BAHCC1: variants seen among roughly 807,000 people sequenced by gnomAD.
BAHCC1 encodes BAH domain and coiled-coil containing 1, also known as BAH and coiled-coil domain-containing protein 1.
BAHCC1 carries 43 observed loss-of-function variants against 88.2 expected under a neutral mutation model. That is an observed-to-expected ratio of 0.49 (90% CI 0.38 to 0.63). The LOEUF is 0.63. BAHCC1 is among the 20% of genes least tolerant of loss of function. The pLI, the probability that BAHCC1 is intolerant of heterozygous loss-of-function variation, is 0.00. For missense variants in BAHCC1, 3,023 were observed against 1,654.8 expected (o/e 1.83, Z -14.34); for synonymous variants, 1,510 against 745.5 (o/e 2.03, Z -16.71).
At chr17:81,437,280 CG>C (rs1266748888) in intron 3 of BAHCC1, among the ~76,000 whole-genome samples, 1 of 152,266 alleles carries the variant, frequency 6.6e-6, no homozygotes, top group Non-Finnish European at 1.5e-5. Flanking sequence ...TCGGCCCTCA[CG>C]TTCAGGCAGC....
At position 81,463,874 on chromosome 17, in the gene BAHCC1, C is replaced by T. The variant is rs1449122581; in HGVS notation, c.*57C>T. On this transcript the variant is annotated 3_prime_UTR_variant, in exon 28 of 28. Coordinates refer to ENST00000675386, the MANE Select transcript of BAHCC1 (RefSeq NM_001377448.1). Reference sequence around the variant, plus strand: ...CAGGGACCCTGTGTGCGGAGCCTGGCGTCGGCCAAGCCACCGGGCAGGAGG... The same window carrying T: ...CAGGGACCCTGTGTGCGGAGCCTGGTGTCGGCCAAGCCACCGGGCAGGAGG... 1.2e-5 allele frequency: 8 copies of T among 692,296 alleles called. No homozygotes were observed. Among genetic ancestry groups the T allele is most frequent in the East Asian group, 5.4e-5 (2 of 37,030 alleles). The allele number at this position is 692,296 out of a possible 1,614,324, so 42.9% of individuals were successfully genotyped here.
Position 81,460,284 on chromosome 17 carries a change from C to T in BAHCC1, c.5913C>T (p.Ser1971=), listed in dbSNP as rs1555658721. 3 of 770,704 alleles carry T rather than the reference C, an allele frequency of 3.9e-6. No individual in the cohort carries two copies. The highest frequency in any genetic ancestry group is 2.5e-5 in the East Asian group (1 of 40,762). 47.7% of individuals were successfully genotyped at this position (770,704 alleles called of 1,614,324 possible). A position where few individuals can be genotyped will look rare whatever the true frequency, so the allele number is the denominator to read the frequency against. ...LYPGNVVRGA[S]GDEDEDLDSV... ...CAGGTGTGCCGTCCACAGGGGCCTC[C>T]GGTGACGAAGATGAGGACCTGGACT... The change falls in exon 24 of 28, where the codon TCC becomes TCT. Residue 1971 remains serine (S), a synonymous_variant. Coordinates refer to ENST00000675386, the MANE Select transcript of BAHCC1 (RefSeq NM_001377448.1).
chr17:81,406,319 G>C (rs2063878384), intron 2 of BAHCC1, among the ~76,000 whole-genome samples: 1 of 152,190 alleles, frequency 6.6e-6, no homozygotes, highest in South Asian at 2.1e-4. Flanking sequence ...CTCAGAGCAC[G>C]CCCCTGTCTG....
chr17:81,402,939 C>A (rs2063835040), intron 2 of BAHCC1: 1 of 152,264 alleles, frequency 6.6e-6, no homozygotes, highest in Non-Finnish European at 1.5e-5. Flanking sequence ...GTTCCAGTAA[C>A]CTTGTCACCA....
intron 1 of BAHCC1, chr17:81,397,230 C>T (rs1815881798): frequency 2.6e-5 from 4 of 152,142 alleles, no homozygotes; most frequent in Admixed American, 2.6e-4. Flanking sequence ...TAATCCACCT[C>T]CTGTTTGCTT....
Position 81,417,211 on chromosome 17 carries a change from A to T in BAHCC1, c.179-9589A>T, listed in dbSNP as rs1361151894. 3.9e-5 allele frequency among the ~76,000 whole-genome samples: 6 copies of T among 152,132 alleles called. No individual in the cohort carries two copies. In the East Asian group the frequency reaches 1.2e-3, roughly 29 times the overall value. On this transcript the variant is annotated intron_variant, in intron 2 of 27. Coordinates refer to ENST00000675386, the MANE Select transcript of BAHCC1 (RefSeq NM_001377448.1). Reference sequence around the variant, plus strand: ...CCGTCTCCCCGCAGCTGGCTGTCTCAAGATGGTGGGATGGGAAGCGTTCAG... The same window carrying T: ...CCGTCTCCCCGCAGCTGGCTGTCTCTAGATGGTGGGATGGGAAGCGTTCAG...
intron 2 of BAHCC1, chr17:81,402,648 A>G (rs1342059993): frequency 2.0e-5 from 3 of 152,062 alleles, no homozygotes; most frequent in African/African-American, 4.8e-5. Context: ...GAATCCAACC[A>G]TCGGGGATGG....
intron 1 of BAHCC1, among the ~76,000 whole-genome samples, chr17:81,398,251 G>C (rs2063766438): frequency 6.6e-6 from 1 of 152,212 alleles, no homozygotes. Context: ...GGAGCACGGT[G>C]GTGCACGCAG....
rs375536986 is a variant in BAHCC1, at chr17:81,462,934, C to T, written c.7578C>T (p.His2526=). ...TGGTCAAGGTCAAGTGGTTCTACCA[C>T]CCTGAGGAGACCAAGCTGGGCAAGA... The part of the protein sequence containing the change: ...NMVVKVKWFY[H]PEETKLGKRQ... The change falls in exon 27 of 28, where the codon CAC becomes CAT. Residue 2526 remains histidine (H), a synonymous_variant. Coordinates refer to ENST00000675386, the MANE Select transcript of BAHCC1 (RefSeq NM_001377448.1). 20 of 782,830 alleles carry T rather than the reference C, an allele frequency of 2.6e-5. No homozygotes were observed. The highest frequency in any genetic ancestry group is 1.5e-4 in the African/African-American group (9 of 59,308). The allele number at this position is 782,830 out of a possible 1,614,324, so 48.5% of individuals were successfully genotyped here. A position where few individuals can be genotyped will look rare whatever the true frequency, so the allele number is the denominator to read the frequency against.
intron 26 of BAHCC1, 24 bp downstream of exon 26, chr17:81,462,070 G>T (rs781851081): frequency 6.9e-6 from 5 of 722,874 alleles, no homozygotes; most frequent in Middle Eastern, 2.4e-4. Context: ...GAGGCGGGAG[G>T]AGCTCCTGGT....
chr17:81,404,320 CG>C (rs1555646545), intron 2 of BAHCC1, among the ~76,000 whole-genome samples: 1 of 152,192 alleles, frequency 6.6e-6, no homozygotes, highest in Admixed American at 6.5e-5. Context: ...TTCTCTCTTA[CG>C]GGAACTTGGT....
Position 81,465,513 on chromosome 17 carries a change from A to G in BAHCC1, c.*1696A>G, listed in dbSNP as rs1555660572. 6.6e-6 allele frequency: 1 copy of G among 152,210 alleles called. No homozygotes were observed. Among genetic ancestry groups the G allele is most frequent in the African/African-American group, 2.4e-5 (1 of 41,372 alleles). The allele number at this position is 152,210 out of a possible 1,614,324, so 9.4% of individuals were successfully genotyped here. On this transcript the variant is annotated 3_prime_UTR_variant, in exon 28 of 28. Transcript: ENST00000675386. ...GCATGGGGGGCCACACACTCCTTAT[A>G]TCCTCCCACACTAAGGTTCCCCTGG...
In BAHCC1 at chr17:81,456,392, A is replaced by T; in HGVS notation, c.4665A>T (p.Lys1555Asn). The change falls in exon 16 of 28, where the codon AAA (lysine) becomes AAT (asparagine). Residue 1555 changes from lysine to asparagine, a missense_variant. Transcript: ENST00000675386. ...AGCTGAAACCCAAGGTCAAGAGCAAAGGGCTGCCCACAGGCCTCAGCTCTT... is the reference window on the plus strand; with the variant it reads ...AGCTGAAACCCAAGGTCAAGAGCAATGGGCTGCCCACAGGCCTCAGCTCTT... ...VAQLKPKVKSKGLPTGLSSFQ... is the reference protein window; with the variant it reads ...VAQLKPKVKSNGLPTGLSSFQ... 1.4e-6 allele frequency: 1 copy of T among 723,038 alleles called. No homozygotes were observed. The highest frequency in any genetic ancestry group is 2.6e-6 in the Non-Finnish European group (1 of 388,438). 44.8% of individuals were successfully genotyped at this position (723,038 alleles called of 1,614,324 possible).
At chr17:81,452,145 AGCACCCCCACCCCCGGGAGGCG>A (rs2064650524) in intron 13 of BAHCC1, 38 bp downstream of exon 13, 3 of 236,200 alleles carry the variant, frequency 1.3e-5, no homozygotes, top group Admixed American at 1.7e-4. Context: ...GGAGGGTCGC[AGCACCCCCACCCCCGGGAGGCG>A]CCCACAGTGC....
At position 81,455,488 on chromosome 17, in the gene BAHCC1, C is replaced by T. The variant is rs575026110; in HGVS notation, c.4569+98C>T. 1.1e-5 allele frequency: 7 copies of T among 648,206 alleles called. 1 individual carries two copies. The highest frequency in any genetic ancestry group is 1.0e-4 in the South Asian group (6 of 58,952). The allele number at this position is 648,206 out of a possible 1,614,324, so 40.2% of individuals were successfully genotyped here. The stretch of plus-strand genomic sequence containing the variant: ...ACTCTCCCCAGCCCTGTGCCGAAAC[C>T]CATTGCTCAGATGAGCGAAGCAAGG... On this transcript the variant is annotated intron_variant, in intron 15 of 27. Transcript: ENST00000675386.
chr17:81,428,657 C>T (rs928403642), intron 3 of BAHCC1, among the ~76,000 whole-genome samples: 209 of 152,342 alleles, frequency 1.4e-3, no homozygotes, highest in African/African-American at 4.7e-3. Flanking sequence ...TTGGAGCCCC[C>T]GTCCCGCCCC....
Position 81,447,703 on chromosome 17 carries a change from C to A in BAHCC1, c.3831C>A (p.Ser1277Arg). ...ACCTGGGGGACCTGCCCAGCGACAG[C>A]CCACCGGACCCTCAGCCCCCAGCGG... ...TINLGDLPSD[S>R]PPDPQPPAAS... The change falls in exon 11 of 28, where the codon AGC becomes AGA. Residue 1277 changes from serine (S) to arginine (R), a missense_variant. Ser to Arg is a moderately radical substitution (Grantham distance 110, BLOSUM62 -1). Transcript: ENST00000675386. The A allele has an allele frequency of 4.1e-6, 3 of 733,990 alleles. No individual in the cohort carries two copies. Among genetic ancestry groups the A allele is most frequent in the South Asian group, 1.5e-5 (1 of 68,868 alleles). 45.5% of individuals were successfully genotyped at this position (733,990 alleles called of 1,614,324 possible). A position where few individuals can be genotyped will look rare whatever the true frequency, so the allele number is the denominator to read the frequency against.
chr17:81,420,913 C>A (rs562606788), intron 2 of BAHCC1, among the ~76,000 whole-genome samples: 1 of 152,234 alleles, frequency 6.6e-6, no homozygotes, highest in Admixed American at 6.5e-5. Flanking sequence ...ACCATGCACG[C>A]GGGTGGGGAC....
rs1055941899 is a variant in BAHCC1, at chr17:81,464,711, C to G, written c.*894C>G. 6.6e-6 allele frequency: 1 copy of G among 152,584 alleles called. No individual in the cohort carries two copies. Among genetic ancestry groups the G allele is most frequent in the African/African-American group, 2.4e-5 (1 of 41,466 alleles). 9.5% of individuals were successfully genotyped at this position (152,584 alleles called of 1,614,324 possible). ...AGAAAAAGCAATGTTTGGATTGTATCTGCTGAATCATATTCCAACCTATAT... is the reference window on the plus strand; with the variant it reads ...AGAAAAAGCAATGTTTGGATTGTATGTGCTGAATCATATTCCAACCTATAT... On this transcript the variant is annotated 3_prime_UTR_variant, in exon 28 of 28. Coordinates refer to ENST00000675386, the MANE Select transcript of BAHCC1 (RefSeq NM_001377448.1).
Sources: allele counts gnomAD v4.1 joint callset (sites outside exome capture counted in the v4.1 genomes callset), GRCh38; gene constraint gnomAD v4.1.1; transcripts MANE v1.5; gene names NCBI Gene and HGNC (gene_info 2026-07-23, HGNC 2026-07-21).